Variants in ZFP1 observed in about 807,000 individuals in gnomAD.
The protein encoded by ZFP1 is zinc finger protein 1 homolog.
Under a neutral mutation model 38.5 loss-of-function variants are expected in ZFP1, and 32 were observed. That is an observed-to-expected ratio of 0.83 (90% CI 0.63 to 1.12). The LOEUF is 1.12. ZFP1 is among the 50% of genes most tolerant of loss of function. The pLI, the probability that ZFP1 is intolerant of heterozygous loss-of-function variation, is 0.00. For missense variants in ZFP1, 616 were observed against 480.8 expected, an observed-to-expected ratio of 1.28 and a Z score of -2.63; for synonymous variants, 245 against 168.8, an observed-to-expected ratio of 1.45 and a Z score of -3.50.
the ZFP1 span, among the ~76,000 whole-genome samples, chr16:75,141,332 A>T: frequency 2.0e-5 from 3 of 150,132 alleles, no homozygotes; most frequent in Non-Finnish European, 4.4e-5. Flanking sequence ...CCTCCCGAGT[A>T]GCTGGGACTA....
the ZFP1 span, among the ~76,000 whole-genome samples, chr16:75,135,323 G>C: frequency 1.4e-5 from 2 of 143,644 alleles, no homozygotes; most frequent in African/African-American, 5.2e-5. Context: ...GTCACAAAAA[G>C]ACAAAGAAGA....
intron 1 of ZFP1, among the ~76,000 whole-genome samples, chr16:75,150,501 G>A (rs557653721): frequency 2.6e-5 from 4 of 152,322 alleles, no homozygotes; most frequent in African/African-American, 9.6e-5. Context: ...TCACAGGCGT[G>A]AGCCATCGCA....
At chr16:75,162,742 T>C (rs2037850828) in intron 2 of ZFP1, among the ~76,000 whole-genome samples, 1 of 152,120 alleles carries the variant, frequency 6.6e-6, no homozygotes, top group Non-Finnish European at 1.5e-5. Flanking sequence ...AGCTCCCACT[T>C]ATAAGTGAGG....
intron 2 of ZFP1, among the ~76,000 whole-genome samples, chr16:75,165,501 T>A (rs1297678369): frequency 6.6e-6 from 1 of 151,822 alleles, no homozygotes; most frequent in Non-Finnish European, 1.5e-5. Flanking sequence ...TTCAAGCAAT[T>A]CTCCTGTCCC....
Position 75,170,474 on chromosome 16 carries a change from T to G in ZFP1, c.*140T>G. 1 of 1,255,066 alleles carries G rather than the reference T, an allele frequency of 8.0e-7. No homozygotes were observed. The highest frequency in any genetic ancestry group is 1.0e-6 in the Non-Finnish European group (1 of 955,376). 77.7% of individuals were successfully genotyped at this position (1,255,066 alleles called of 1,614,324 possible). A position where few individuals can be genotyped will look rare whatever the true frequency, so the allele number is the denominator to read the frequency against. On this transcript the variant is annotated 3_prime_UTR_variant, in exon 4 of 4. Transcript: ENST00000570010. The stretch of plus-strand genomic sequence containing the variant: ...ACTCAAAAATGTATTAAAAATAGGA[T>G]CCCATGAGAACATTATACTGGAAGT...
chr16:75,139,732 TAG>T, the ZFP1 span, among the ~76,000 whole-genome samples: 1 of 151,984 alleles, frequency 6.6e-6, no homozygotes, highest in Admixed American at 6.6e-5. Flanking sequence ...GGTTTATACT[TAG>T]AGTCATCAAA....
chr16:75,129,978 C>A, the ZFP1 span, among the ~76,000 whole-genome samples: 1 of 152,076 alleles, frequency 6.6e-6, no homozygotes, highest in Non-Finnish European at 1.5e-5. Flanking sequence ...TGTGGTTTGA[C>A]CTTTTGACTT....
chr16:75,163,607 A>C (rs1357834599), intron 2 of ZFP1, among the ~76,000 whole-genome samples: 1 of 146,430 alleles, frequency 6.8e-6, no homozygotes. Context: ...CACTGCACCC[A>C]GCCTTTTTTT....
At chr16:75,133,860 C>G in the ZFP1 span, among the ~76,000 whole-genome samples, 1 of 152,028 alleles carries the variant, frequency 6.6e-6, no homozygotes, top group Non-Finnish European at 1.5e-5. Context: ...AGCAGCCTGG[C>G]CAACATGGTG....
At chr16:75,134,183 C>A in the ZFP1 span, among the ~76,000 whole-genome samples, 1 of 152,092 alleles carries the variant, frequency 6.6e-6, no homozygotes, top group Non-Finnish European at 1.5e-5. Flanking sequence ...GATGGTTGTG[C>A]AATATTATGA....
intron 2 of ZFP1, among the ~76,000 whole-genome samples, chr16:75,155,827 TG>T (rs1222269308): frequency 6.6e-6 from 1 of 152,222 alleles, no homozygotes; most frequent in African/African-American, 2.4e-5. Context: ...AAACTATAAC[TG>T]GGATTAATAT....
upstream of ZFP1, among the ~76,000 whole-genome samples, chr16:75,146,714 G>A (rs765197111): frequency 1.3e-5 from 2 of 152,080 alleles, no homozygotes; most frequent in Non-Finnish European, 2.9e-5. Context: ...CAAGGCAGGA[G>A]GATTTCTTGA....
intron 2 of ZFP1, among the ~76,000 whole-genome samples, chr16:75,165,746 C>T (rs975452084): frequency 3.3e-5 from 5 of 151,154 alleles, no homozygotes; most frequent in African/African-American, 9.7e-5. Flanking sequence ...ACTTATTGTA[C>T]TTGGGGTTGC....
At chr16:75,157,136 G>A (rs1007308333) in intron 2 of ZFP1, 2 of 152,110 alleles carry the variant, frequency 1.3e-5, no homozygotes, top group African/African-American at 4.8e-5. Flanking sequence ...TTTGTTTGCA[G>A]CGTCTCTTTT....
At chr16:75,162,120 C>A (rs2037820592) in intron 2 of ZFP1, among the ~76,000 whole-genome samples, 1 of 151,738 alleles carries the variant, frequency 6.6e-6, no homozygotes, top group South Asian at 2.1e-4. Flanking sequence ...TTGAAAGTAA[C>A]TTCAGTATGG....
At chr16:75,151,035 T>G (rs542299647) in intron 1 of ZFP1, among the ~76,000 whole-genome samples, 69 of 152,034 alleles carry the variant, frequency 4.5e-4, no homozygotes, top group Non-Finnish European at 8.5e-4. Flanking sequence ...TTTTCTGTAT[T>G]TTTTGTAGAG....
chr16:75,135,260 C>CAAAAAGTGAATGGATAAACCCACTGTA, the ZFP1 span, among the ~76,000 whole-genome samples: 1 of 130,124 alleles, frequency 7.7e-6, no homozygotes, highest in Non-Finnish European at 1.6e-5. Context: ...AGAGATCCTT[C>CAAAAAGTGAATGGATAAACCCACTGTA]ACTCATTCAT....
At chr16:75,159,865 G>GT (rs1277328511) in intron 2 of ZFP1, among the ~76,000 whole-genome samples, 1 of 152,196 alleles carries the variant, frequency 6.6e-6, no homozygotes, top group Admixed American at 6.5e-5. Context: ...AGATTTGCAG[G>GT]TGTGGGTGTA....
At chr16:75,145,736 C>T (rs1297112236), upstream of ZFP1, among the ~76,000 whole-genome samples, 1 of 152,182 alleles carries the variant, frequency 6.6e-6, no homozygotes, top group African/African-American at 2.4e-5. Flanking sequence ...ACGCCATCCC[C>T]TTTCCAGCTC....
Sources: allele counts gnomAD v4.1 joint callset (sites outside exome capture counted in the v4.1 genomes callset), GRCh38; gene constraint gnomAD v4.1.1; transcripts MANE v1.5; gene names NCBI Gene and HGNC (gene_info 2026-07-23, HGNC 2026-07-21).